Variants in STXBP6 observed in about 807,000 individuals in gnomAD.
The protein encoded by STXBP6 is syntaxin-binding protein 6.
STXBP6 carries 21 observed loss-of-function variants against 26.9 expected under a neutral mutation model. The ratio of observed to expected loss-of-function variants is 0.78; its 90% CI spans 0.55 to 1.12. STXBP6 has a LOEUF of 1.12. Among genes scored for constraint, STXBP6 ranks in the 50% most tolerant of loss-of-function variants. STXBP6 has a pLI of 0.00. For missense variants in STXBP6, 232 were observed against 257.9 expected, an observed-to-expected ratio of 0.90 and a Z score of 0.69; for synonymous variants, 97 against 92.6, an observed-to-expected ratio of 1.05 and a Z score of -0.27.
At chr14:24,934,103 C>T (rs2072516837) in intron 2 of STXBP6, among the ~76,000 whole-genome samples, 1 of 151,756 alleles carries the variant, frequency 6.6e-6, no homozygotes, top group South Asian at 2.1e-4. Context: ...ATAACTGTTA[C>T]CTAAAGAAAA....
chr14:24,821,626 C>T (rs2068137836), intron 4 of STXBP6, among the ~76,000 whole-genome samples: 1 of 152,146 alleles, frequency 6.6e-6, no homozygotes, highest in Non-Finnish European at 1.5e-5. Flanking sequence ...TCAATTCTAC[C>T]CACATTTTAG....
intron 1 of STXBP6, among the ~76,000 whole-genome samples, chr14:25,034,286 T>C (rs1181513342): frequency 2.0e-5 from 3 of 152,180 alleles, no homozygotes; most frequent in African/African-American, 7.2e-5. Context: ...TGTGGAGGCC[T>C]TTCCATGATG....
At chr14:24,830,823 A>C (rs1383585437) in intron 4 of STXBP6, among the ~76,000 whole-genome samples, 1 of 152,202 alleles carries the variant, frequency 6.6e-6, no homozygotes. Flanking sequence ...AAGAATCTTA[A>C]CATTTAGAGT....
At chr14:24,823,380 C>A (rs973679591) in intron 4 of STXBP6, among the ~76,000 whole-genome samples, 1 of 152,106 alleles carries the variant, frequency 6.6e-6, no homozygotes. Flanking sequence ...TTTTAAGAAG[C>A]ACATGCAATA....
intron 1 of STXBP6, among the ~76,000 whole-genome samples, chr14:24,975,928 A>C (rs2074032683): frequency 6.6e-6 from 1 of 152,228 alleles, no homozygotes; most frequent in Non-Finnish European, 1.5e-5. Flanking sequence ...CAATTCAACA[A>C]ATCAAAATTA....
chr14:24,932,520 TA>T (rs906040210), intron 2 of STXBP6, among the ~76,000 whole-genome samples: 8 of 151,624 alleles, frequency 5.3e-5, no homozygotes, highest in Non-Finnish European at 1.0e-4. Flanking sequence ...ATCCTGTCTC[TA>T]AAAAAAATAA....
chr14:25,039,453 TCTGA>T (rs954321581), intron 1 of STXBP6, among the ~76,000 whole-genome samples: 3 of 152,220 alleles, frequency 2.0e-5, no homozygotes, highest in African/African-American at 7.2e-5. Context: ...TCAGCTGCTT[TCTGA>T]CTGTCTTTGT....
chr14:24,983,380 A>G (rs1473865024), intron 1 of STXBP6, among the ~76,000 whole-genome samples: 1 of 152,202 alleles, frequency 6.6e-6, no homozygotes, highest in East Asian at 1.9e-4. Context: ...GAAATAGCCA[A>G]ATCTATTCCA....
intron 2 of STXBP6, among the ~76,000 whole-genome samples, chr14:24,958,216 C>A (rs1957761): frequency 1 from 152,000 of 152,356 alleles, 75,824 homozygotes; most frequent in Middle Eastern, 1. Context: ...TTAATATTGC[C>A]CATACCAAAG....
In STXBP6 at chr14:24,981,322, G is replaced by T. The variant is rs1428471836; in HGVS notation, c.-32-6472C>A. Among the ~76,000 whole-genome samples, 4 of 152,032 alleles carry T rather than the reference G, an allele frequency of 2.6e-5. No homozygotes were observed. The South Asian group carries it at 8.3e-4, about 32-fold the overall frequency. On this transcript the variant is annotated intron_variant, in intron 1 of 5. Transcript: ENST00000323944. ...GAGTCTCACTGTTGCCCAGGCTGGG[G>T]TGCAGTGGCACCATCTTGGCTCACT...
At chr14:24,877,189 T>C (rs181254129) in intron 2 of STXBP6, among the ~76,000 whole-genome samples, 75 of 152,348 alleles carry the variant, frequency 4.9e-4, no homozygotes, top group African/African-American at 1.8e-3. Flanking sequence ...AGACATTGGC[T>C]GGACATCTGC....
At chr14:24,911,079 C>G (rs1364714867) in intron 2 of STXBP6, among the ~76,000 whole-genome samples, 1 of 152,158 alleles carries the variant, frequency 6.6e-6, no homozygotes, top group Non-Finnish European at 1.5e-5. Context: ...AACCCCAGCA[C>G]TTTGGGATGC....
intron 1 of STXBP6, among the ~76,000 whole-genome samples, chr14:25,039,235 G>A (rs797011332): frequency 1.8e-4 from 27 of 152,092 alleles, no homozygotes; most frequent in African/African-American, 5.3e-4. Flanking sequence ...ATAAATTAGG[G>A]GGTTAATAGC....
intron 1 of STXBP6, among the ~76,000 whole-genome samples, chr14:25,014,781 C>T (rs2075110315): frequency 6.6e-6 from 1 of 152,186 alleles, no homozygotes; most frequent in East Asian, 1.9e-4. Context: ...GAAAGATAAA[C>T]AAAAACTCTA....
intron 2 of STXBP6, among the ~76,000 whole-genome samples, chr14:24,963,555 T>C (rs1336131037): frequency 2.0e-5 from 3 of 152,178 alleles, no homozygotes; most frequent in African/African-American, 7.2e-5. Context: ...AGGTTAACAC[T>C]GAAAAACAAG....
intron 2 of STXBP6, among the ~76,000 whole-genome samples, chr14:24,927,467 C>G (rs575480476): frequency 1.3e-5 from 2 of 152,312 alleles, no homozygotes; most frequent in South Asian, 2.1e-4. Flanking sequence ...AAAGGCAGAA[C>G]ATATTTGTGC....
chr14:24,813,218 C>CA (rs2067874020), intron 5 of STXBP6, among the ~76,000 whole-genome samples: 1 of 152,192 alleles, frequency 6.6e-6, no homozygotes, highest in Non-Finnish European at 1.5e-5. Flanking sequence ...ACCAAGTCCA[C>CA]AGCCCTTCAC....
At chr14:24,862,200 G>C (rs1045435875) in intron 2 of STXBP6, among the ~76,000 whole-genome samples, 1 of 152,078 alleles carries the variant, frequency 6.6e-6, no homozygotes, top group Non-Finnish European at 1.5e-5. Context: ...GGGGGTCTAT[G>C]TTATCCAGGC....
chr14:24,896,840 C>A (rs1005925906), intron 2 of STXBP6, among the ~76,000 whole-genome samples: 1 of 152,104 alleles, frequency 6.6e-6, no homozygotes, highest in African/African-American at 2.4e-5. Context: ...ACAAAAGCAT[C>A]CGGAGTAAGC....
Sources: allele counts gnomAD v4.1 joint callset (sites outside exome capture counted in the v4.1 genomes callset), GRCh38; gene constraint gnomAD v4.1.1; transcripts MANE v1.5; gene names NCBI Gene and HGNC (gene_info 2026-07-23, HGNC 2026-07-21).